STAG2: variants seen among roughly 807,000 people sequenced by gnomAD.
The protein encoded by STAG2 is cohesin subunit SA-2.
STAG2 carries 14 observed loss-of-function variants against 108.1 expected under a neutral mutation model. That is an observed-to-expected ratio of 0.13 (90% CI 0.09 to 0.20). STAG2 has a LOEUF of 0.20. Ranked by LOEUF, STAG2 falls within the 10% of genes least tolerant of loss-of-function variation. The pLI, the probability that STAG2 is intolerant of heterozygous loss-of-function variation, is 1.00. For missense variants in STAG2, 440 were observed against 940.9 expected (o/e 0.47, Z 6.96); for synonymous variants, 307 against 302.7 (o/e 1.01, Z -0.15).
intron 32 of STAG2, among the ~76,000 whole-genome samples, chrX:124,092,179 T>G (rs2059266198): frequency 1.8e-5 from 2 of 111,705 alleles, no homozygotes; most frequent in Non-Finnish European, 3.8e-5. Context: ...GATCATTTAC[T>G]ATGAGTGGTG....
At chrX:123,977,676 A>G (rs1414714786) in intron 1 of STAG2, among the ~76,000 whole-genome samples, 3 of 109,902 alleles carry the variant, frequency 2.7e-5, no homozygotes, top group African/African-American at 9.9e-5. Context: ...GTCCATTTAA[A>G]TTTCCCTACA....
intron 13 of STAG2, among the ~76,000 whole-genome samples, chrX:124,055,095 A>T (rs961685005): frequency 1.8e-5 from 2 of 112,256 alleles, no homozygotes; most frequent in Non-Finnish European, 3.8e-5. Context: ...TTAAAAACAC[A>T]CAAGTTATTT....
intron 1 of STAG2, among the ~76,000 whole-genome samples, chrX:123,969,956 T>G (rs2054279675): frequency 1.0e-5 from 1 of 99,010 alleles, no homozygotes; most frequent in Non-Finnish European, 2.0e-5. Context: ...CTTCCTGTTT[T>G]TTTTTTTTTT....
chrX:124,065,917 A>G lies in STAG2; in HGVS notation c.2067A>G (p.Ser689=), dbSNP rs1297053122. 8.5e-7 allele frequency: 1 copy of G among 1,174,760 alleles called. No individual in the cohort carries two copies. The highest frequency in any genetic ancestry group is 2.5e-5 in the Admixed American group (1 of 40,748). ...AAGATGATGCATATCAGGTATTGTC[A>G]ACATTGAAGAGGATCACTGCTTTTC... The part of the protein sequence containing the change: ...PDEDDAYQVL[S]TLKRITAFHN... Residue 689 remains serine, a synonymous_variant, in exon 21 of 35, where the codon TCA becomes TCG. Transcript: ENST00000371145.
chrX:123,999,105 TAGAA>T (rs1034016525), intron 1 of STAG2, among the ~76,000 whole-genome samples: 4 of 111,718 alleles, frequency 3.6e-5, no homozygotes, highest in African/African-American at 1.3e-4. Flanking sequence ...TCTAAAAAAA[TAGAA>T]AGAAAATAAA....
At chrX:123,968,061 C>T (rs1267018630) in intron 1 of STAG2, among the ~76,000 whole-genome samples, 3 of 110,247 alleles carry the variant, frequency 2.7e-5, no homozygotes, top group African/African-American at 6.6e-5. Flanking sequence ...CCACCATACC[C>T]GGCTAATCTT....
At chrX:124,038,089 C>G (rs933721404) in intron 6 of STAG2, among the ~76,000 whole-genome samples, 5 of 112,246 alleles carry the variant, frequency 4.5e-5, no homozygotes, top group Non-Finnish European at 9.4e-5. Flanking sequence ...GACATTTCTT[C>G]TAAAAGGTAA....
At chrX:123,985,317 C>T (rs2055114696) in intron 1 of STAG2, among the ~76,000 whole-genome samples, 2 of 110,947 alleles carry the variant, frequency 1.8e-5, no homozygotes, top group African/African-American at 6.5e-5. Flanking sequence ...GTAGCCTTGG[C>T]GTCCTGTGCC....
chrX:124,051,439 T>A, intron 13 of STAG2, 45 bp downstream of exon 13: 1 of 1,011,046 alleles, frequency 9.9e-7, no homozygotes, highest in Non-Finnish European at 1.4e-6. Flanking sequence ...TTCAGATATC[T>A]AAATAATATA....
chrX:124,046,448 G>C (rs1296209264), intron 8 of STAG2, among the ~76,000 whole-genome samples: 3 of 111,959 alleles, frequency 2.7e-5, no homozygotes, highest in Non-Finnish European at 5.6e-5. Context: ...GATACTTTTA[G>C]ATCAGAGTGA....
rs1349603755 is a variant in STAG2 at position 124,031,277 on chromosome X, A to G, written c.288+152A>G. On this transcript the variant is annotated intron_variant, in intron 5 of 34. Transcript: ENST00000371145. The stretch of plus-strand genomic sequence containing the variant: ...AATCATCAGAAAACTCTTGGGATGT[A>G]TTTCTTCATATATAAGACTTTTGTG... 8.5e-6 allele frequency: 4 copies of G among 472,425 alleles called. No individual in the cohort carries two copies. In the African/African-American group the frequency reaches 1.0e-4, roughly 12 times the overall value. 38.9% of individuals were successfully genotyped at this position (472,425 alleles called of 1,213,427 possible). A position where few individuals can be genotyped will look rare whatever the true frequency, so the allele number is the denominator to read the frequency against.
rs1465694658 is a variant in STAG2 at position 124,045,049 on chromosome X, A to C, written c.463-115A>C. On this transcript the variant is annotated intron_variant, in intron 7 of 34. Transcript: ENST00000371145. ...TGCCTACTTTGAGGATTTATTGGAG[A>C]AGAAAGGTGAGATAAAGATACCTTT... 10 of 615,871 alleles carry C rather than the reference A, an allele frequency of 1.6e-5. No homozygotes were observed. In the Admixed American group the frequency reaches 2.4e-4, roughly 15 times the overall value. 50.8% of individuals were successfully genotyped at this position (615,871 alleles called of 1,213,427 possible). A position where few individuals can be genotyped will look rare whatever the true frequency, so the allele number is the denominator to read the frequency against.
chrX:124,067,378 C>T (rs1157373989), intron 23 of STAG2, among the ~76,000 whole-genome samples: 1 of 105,233 alleles, frequency 9.5e-6, no homozygotes, highest in Non-Finnish European at 1.9e-5. Flanking sequence ...AAGCAATCCT[C>T]GTGCCTCAGC....
In STAG2 at chrX:124,071,361, A is replaced by C. The variant is rs2058658570; in HGVS notation, c.2533+38A>C. On this transcript the variant is annotated intron_variant, in intron 25 of 34. Transcript: ENST00000371145. ...CCATCTTTTTATTAAATCTGTGTCC[A>C]CCATAAAATCAAACTTAAGTAACAA... 4 of 1,066,411 alleles carry C rather than the reference A, an allele frequency of 3.8e-6. No individual in the cohort carries two copies. In the African/African-American group the frequency reaches 7.6e-5, roughly 20 times the overall value. 87.9% of individuals were successfully genotyped at this position (1,066,411 alleles called of 1,213,427 possible). A position where few individuals can be genotyped will look rare whatever the true frequency, so the allele number is the denominator to read the frequency against.
chrX:123,983,879 G>A (rs1291219258), intron 1 of STAG2, among the ~76,000 whole-genome samples: 2 of 108,484 alleles, frequency 1.8e-5, no homozygotes, highest in African/African-American at 3.4e-5. Flanking sequence ...TCCAGGTGTA[G>A]AAAGAGAAGT....
chrX:124,086,603 T>C lies in STAG2; in HGVS notation c.3110T>C (p.Val1037Ala), dbSNP rs2148465315. The change falls in exon 30 of 35, where the codon GTG (valine) becomes GCG (alanine). Residue 1037 changes from valine (V) to alanine (A), a missense_variant. Physicochemically the swap from Val to Ala is moderately conservative, Grantham distance 64. This residue lies in a region of STAG2 where 337 missense variants were observed against 649.3 expected (regional missense o/e 0.52). Coordinates refer to ENST00000371145, the MANE Select transcript of STAG2 (RefSeq NM_001042750.2). ...CAGATGTCACTCCGAAGAGAGGATG[T>C]GTGGCTTCCACTGATGTCTTACCGA... Reference protein sequence around the residue: ...TFQMSLRREDVWLPLMSYRNS... With the variant: ...TFQMSLRREDAWLPLMSYRNS... 8.3e-7 allele frequency: 1 copy of C among 1,211,849 alleles called. No homozygotes were observed. Among genetic ancestry groups the C allele is most frequent in the South Asian group, 1.8e-5 (1 of 57,014 alleles).
chrX:123,983,698 A>G (rs2055001772), intron 1 of STAG2, among the ~76,000 whole-genome samples: 1 of 111,031 alleles, frequency 9.0e-6, no homozygotes, highest in Non-Finnish European at 1.9e-5. Flanking sequence ...TAGTCTACAT[A>G]AACTACTTCC....
chrX:124,008,781 G>T (rs2056396456), intron 1 of STAG2, among the ~76,000 whole-genome samples: 1 of 111,932 alleles, frequency 8.9e-6, no homozygotes, highest in African/African-American at 3.2e-5. Context: ...AATAATCATA[G>T]AATAAGATGG....
chrX:124,002,698 C>G (rs1318765493), intron 1 of STAG2, among the ~76,000 whole-genome samples: 1 of 111,089 alleles, frequency 9.0e-6, no homozygotes, highest in Non-Finnish European at 1.9e-5. Context: ...GATCTTGGCT[C>G]ACTACAACCT....
Sources: allele counts gnomAD v4.1 joint callset (sites outside exome capture counted in the v4.1 genomes callset), GRCh38; gene constraint gnomAD v4.1.1; regional missense constraint gnomAD v4.1.1; transcripts MANE v1.5; gene names NCBI Gene and HGNC (gene_info 2026-07-23, HGNC 2026-07-21).